TRPM3: variants seen among roughly 807,000 people sequenced by gnomAD.
The protein encoded by TRPM3 is transient receptor potential cation channel subfamily M member 3.
TRPM3 carries 77 observed loss-of-function variants against 181.2 expected under a neutral mutation model. That is an observed-to-expected ratio of 0.42 (90% CI 0.35 to 0.51). The LOEUF (loss-of-function observed/expected upper bound fraction) is 0.51. Among genes scored for constraint, TRPM3 ranks in the 20% least tolerant of loss-of-function variants. The probability of loss-of-function intolerance (pLI) is 0.01; values close to 1 mark genes in which losing one functional copy is unlikely to be tolerated. For synonymous variants in TRPM3, 745 were observed against 796.4 expected, an observed-to-expected ratio of 0.94 and a Z score of 1.09; for missense variants, 1,759 against 2,196.7, an observed-to-expected ratio of 0.80 and a Z score of 3.98.
chr9:71,385,893 G>A (rs919709871), intron 1 of TRPM3, among the ~76,000 whole-genome samples: 3 of 151,688 alleles, frequency 2.0e-5, no homozygotes, highest in Non-Finnish European at 2.9e-5. Flanking sequence ...GGGGGGTAGA[G>A]GCAGGGTTTC....
intron 1 of TRPM3, among the ~76,000 whole-genome samples, chr9:71,016,235 GGTGTGTGTGT>G (rs145080356): frequency 6.8e-6 from 1 of 146,198 alleles, no homozygotes; most frequent in Non-Finnish European, 1.5e-5. Context: ...ATACATGTGT[GGTGTGTGTGT>G]GTGTGTGTGT....
At chr9:70,795,120 C>G (rs750914987) in intron 6 of TRPM3, among the ~76,000 whole-genome samples, 2 of 152,168 alleles carry the variant, frequency 1.3e-5, no homozygotes, top group African/African-American at 4.8e-5. Context: ...TATGAAAACA[C>G]TATTTTATAC....
intron 1 of TRPM3, among the ~76,000 whole-genome samples, chr9:71,106,046 T>G (rs1225731297): frequency 2.6e-5 from 4 of 152,156 alleles, no homozygotes; most frequent in Non-Finnish European, 5.9e-5. Flanking sequence ...CTTGATGATG[T>G]TCTACTGTTC....
At chr9:70,980,274 G>A (rs769106387) in intron 1 of TRPM3, among the ~76,000 whole-genome samples, 11 of 152,078 alleles carry the variant, frequency 7.2e-5, no homozygotes, top group Non-Finnish European at 1.3e-4. Context: ...GGGATTTCCA[G>A]AGATCTTTGC....
At chr9:70,604,550 G>T (rs1269609304) in intron 19 of TRPM3, among the ~76,000 whole-genome samples, 1 of 152,186 alleles carries the variant, frequency 6.6e-6, no homozygotes, top group Non-Finnish European at 1.5e-5. Flanking sequence ...GGCCTTGAGG[G>T]GTCTGGAGGT....
intron 1 of TRPM3, among the ~76,000 whole-genome samples, chr9:71,166,516 A>G (rs1218840500): frequency 6.6e-6 from 1 of 152,108 alleles, no homozygotes; most frequent in African/African-American, 2.4e-5. Context: ...ACTGGGAGAA[A>G]AGAAGAGAAC....
intron 1 of TRPM3, among the ~76,000 whole-genome samples, chr9:71,147,563 C>T (rs2075490611): frequency 2.0e-5 from 3 of 152,050 alleles, no homozygotes; most frequent in African/African-American, 4.8e-5. Flanking sequence ...TCCTGAAGTC[C>T]TATACATACA....
intron 22 of TRPM3, among the ~76,000 whole-genome samples, chr9:70,556,320 C>T (rs569140937): frequency 6.6e-6 from 1 of 151,914 alleles, no homozygotes; most frequent in Admixed American, 6.5e-5. Context: ...CGGGAACCTC[C>T]TGCCAATCTT....
chr9:70,604,412 G>A (rs1336209924), intron 19 of TRPM3, among the ~76,000 whole-genome samples: 1 of 152,234 alleles, frequency 6.6e-6, no homozygotes, highest in Non-Finnish European at 1.5e-5. Context: ...GTCAAGTGAG[G>A]TACTCACTGG....
chr9:70,739,875 C>CA (rs2134783670), intron 8 of TRPM3, among the ~76,000 whole-genome samples: 1 of 152,236 alleles, frequency 6.6e-6, no homozygotes, highest in Non-Finnish European at 1.5e-5. Context: ...GTCTTGGCCT[C>CA]CCAAAGTGCT....
At chr9:70,583,521 T>C (rs890081006) in intron 22 of TRPM3, among the ~76,000 whole-genome samples, 1 of 152,204 alleles carries the variant, frequency 6.6e-6, no homozygotes, top group East Asian at 1.9e-4. Flanking sequence ...CTAAATTTAA[T>C]TATAGGCAAG....
rs548914375 is a variant in TRPM3 at position 71,101,614 on chromosome 9, G to T, written c.177+19564C>A. On this transcript the variant is annotated intron_variant, in intron 1 of 25. Coordinates refer to ENST00000677713, the MANE Select transcript of TRPM3 (RefSeq NM_001366145.2). ...GTCAAAGGTGAATATCACACAAAAA[G>T]TCTTTCATTGGAAGCAATCTGCACA... 1.2e-4 allele frequency among the ~76,000 whole-genome samples: 18 copies of T among 152,234 alleles called. 1 individual carries two copies. The highest frequency in any genetic ancestry group is 1.2e-3 in the Admixed American group (18 of 15,274).
Position 70,950,728 on chromosome 9 carries a change from C to T in TRPM3, c.178-86217G>A, listed in dbSNP as rs1590018871. 2.6e-5 allele frequency among the ~76,000 whole-genome samples: 4 copies of T among 152,096 alleles called. 1 individual carries two copies. The South Asian group carries it at 8.3e-4, about 31-fold the overall frequency. On this transcript the variant is annotated intron_variant, in intron 1 of 25. Coordinates refer to ENST00000677713, the MANE Select transcript of TRPM3 (RefSeq NM_001366145.2). ...CACTGAAATTAAGAAGCCAAAAAGACCTGCTAAATCTCATCCGACTTCTTC... is the reference window on the plus strand; with the variant it reads ...CACTGAAATTAAGAAGCCAAAAAGATCTGCTAAATCTCATCCGACTTCTTC...
Position 70,536,895 on chromosome 9 carries a change from T to C in TRPM3, c.4218A>G (p.Arg1406=). The C allele has an allele frequency of 6.2e-7, 1 of 1,614,216 alleles. No individual in the cohort carries two copies. The highest frequency in any genetic ancestry group is 8.5e-7 in the Non-Finnish European group (1 of 1,180,046). The change falls in exon 26 of 26, where the codon AGA becomes AGG. Residue 1406 remains arginine, a synonymous_variant. Coordinates refer to ENST00000677713, the MANE Select transcript of TRPM3 (RefSeq NM_001366145.2). ...ANTLAIVPDS[R]RPSSCIDIYV... is the part of the protein sequence containing the mutation. The stretch of plus-strand genomic sequence containing the variant: ...AGATGTCTATACACGATGATGGTCT[T>C]CTGGAATCAGGAACAATGGCCAAGG...
chr9:71,366,955 G>T (rs965328376), intron 1 of TRPM3, among the ~76,000 whole-genome samples: 8 of 152,136 alleles, frequency 5.3e-5, no homozygotes, highest in South Asian at 4.2e-4. Flanking sequence ...TATTTAATTT[G>T]CTGTTTTTAA....
intron 7 of TRPM3, among the ~76,000 whole-genome samples, chr9:70,782,413 T>C (rs1410548934): frequency 1.3e-5 from 2 of 152,132 alleles, no homozygotes; most frequent in Admixed American, 1.3e-4. Flanking sequence ...GGTTTCGCCA[T>C]GTTGGTCAGG....
At chr9:71,086,378 C>A (rs1427611676) in intron 1 of TRPM3, among the ~76,000 whole-genome samples, 1 of 151,830 alleles carries the variant, frequency 6.6e-6, no homozygotes, top group Non-Finnish European at 1.5e-5. Flanking sequence ...AAGATTCATT[C>A]TCATTTTTTC....
At chr9:70,656,926 G>A (rs2060426500) in intron 9 of TRPM3, among the ~76,000 whole-genome samples, 2 of 119,880 alleles carry the variant, frequency 1.7e-5, no homozygotes, top group Admixed American at 1.7e-4. Context: ...ATAAAAAAAA[G>A]TGTTTTTTTT....
At chr9:70,994,619 T>C (rs1287889333) in intron 1 of TRPM3, among the ~76,000 whole-genome samples, 1 of 152,120 alleles carries the variant, frequency 6.6e-6, no homozygotes, top group Non-Finnish European at 1.5e-5. Flanking sequence ...CAGAGAAATT[T>C]TCCCCCTTCA....
Sources: gnomAD v4.1 joint callset for allele counts (sites outside exome capture counted in the v4.1 genomes callset) on GRCh38, gnomAD v4.1.1 for gene constraint, MANE v1.5 for transcripts, NCBI Gene and HGNC (gene_info 2026-07-23, HGNC 2026-07-21) for gene names.